SLC24A4: variants seen among roughly 807,000 people sequenced by gnomAD.
The protein encoded by SLC24A4 is sodium/potassium/calcium exchanger 4.
Under a neutral mutation model 79.0 loss-of-function variants are expected in SLC24A4, and 53 were observed. The observed-to-expected ratio is 0.67, with a 90% CI of 0.54 to 0.84. The LOEUF (loss-of-function observed/expected upper bound fraction) is 0.84. Ranked by LOEUF, SLC24A4 falls within the 40% of genes least tolerant of loss-of-function variation. The pLI is 0.00. For missense variants in SLC24A4, 731 were observed against 822.0 expected (o/e 0.89, Z 1.35); for synonymous variants, 323 against 323.8 (o/e 1.00, Z 0.03).
At chr14:92,459,285 C>T (rs1214116972) in intron 12 of SLC24A4, among the ~76,000 whole-genome samples, 1 of 152,218 alleles carries the variant, frequency 6.6e-6, no homozygotes, top group Non-Finnish European at 1.5e-5. Flanking sequence ...GTACTGGGAG[C>T]TGCTGTTCCA....
chr14:92,361,459 G>T (rs1407777676), intron 2 of SLC24A4, among the ~76,000 whole-genome samples: 1 of 151,180 alleles, frequency 6.6e-6, no homozygotes, highest in Non-Finnish European at 1.5e-5. Flanking sequence ...TGCCACCTAA[G>T]TCACCTTGTG....
rs111744106 is a variant in SLC24A4, at chr14:92,471,568, C to A, written c.1256-11112C>A. Among the ~76,000 whole-genome samples, 428 of 152,248 alleles carry A rather than the reference C, an allele frequency of 2.8e-3. 1 individual carries two copies. Among genetic ancestry groups the A allele is most frequent in the Non-Finnish European group, 4.8e-3 (326 of 68,020 alleles). On this transcript the variant is annotated intron_variant, in intron 12 of 16. Transcript: ENST00000532405. ...AGGTTGACCCTTGTTATATTATACA[C>A]CCAACCCAGGGCCTATGTAACCCCA...
chr14:92,363,373 G>A (rs188080178), intron 2 of SLC24A4, among the ~76,000 whole-genome samples: 155 of 152,338 alleles, frequency 1.0e-3, no homozygotes, highest in African/African-American at 3.5e-3. Context: ...GTGTGCCATG[G>A]TCCACTGGCT....
chr14:92,456,474 T>C lies in SLC24A4; in HGVS notation c.1121T>C (p.Ile374Thr). Residue 374 changes from isoleucine to threonine, a missense_variant, in exon 12 of 17, where the codon ATT (isoleucine) becomes ACT (threonine). Physicochemically the swap from Ile to Thr is moderately conservative, Grantham distance 89 (BLOSUM62 -1). Transcript: ENST00000532405. Reference sequence around the variant, plus strand: ...CTTCAAAACGGGAGGCACGAGAACATTGAGAACGGGAATGTTCCTGTGGAA... The same window carrying C: ...CTTCAAAACGGGAGGCACGAGAACACTGAGAACGGGAATGTTCCTGTGGAA... ...KPLQNGRHENIENGNVPVENP... is the reference protein window; with the variant it reads ...KPLQNGRHENTENGNVPVENP... The C allele has an allele frequency of 2.5e-6, 4 of 1,614,076 alleles. No homozygotes were observed. Among genetic ancestry groups the C allele is most frequent in the Non-Finnish European group, 3.4e-6 (4 of 1,180,006 alleles).
At chr14:92,360,581 G>A (rs188209450) in intron 2 of SLC24A4, among the ~76,000 whole-genome samples, 2 of 152,300 alleles carry the variant, frequency 1.3e-5, no homozygotes, top group African/African-American at 2.4e-5. Flanking sequence ...AACATCCTGT[G>A]TACATGTTGC....
At chr14:92,328,985 G>C (rs1885313947) in intron 2 of SLC24A4, among the ~76,000 whole-genome samples, 1 of 152,264 alleles carries the variant, frequency 6.6e-6, no homozygotes, top group Non-Finnish European at 1.5e-5. Context: ...GGCTGGATTA[G>C]AGTTTCAAGT....
intron 9 of SLC24A4, among the ~76,000 whole-genome samples, chr14:92,448,286 T>TA (rs1351152384): frequency 6.7e-6 from 1 of 150,360 alleles, no homozygotes; most frequent in South Asian, 2.1e-4. Context: ...TTTGTGCCCT[T>TA]AAAAAGGGAA....
chr14:92,447,188 G>A (rs1231674659), intron 8 of SLC24A4, among the ~76,000 whole-genome samples, 183 bp from the exon 9 acceptor site: 2 of 152,180 alleles, frequency 1.3e-5, no homozygotes, highest in Non-Finnish European at 2.9e-5. Flanking sequence ...CATCAAGAGG[G>A]CTGCTGGTGG....
At chr14:92,444,536 C>T (rs1340811226) in intron 7 of SLC24A4, among the ~76,000 whole-genome samples, 4 of 152,142 alleles carry the variant, frequency 2.6e-5, no homozygotes, top group South Asian at 2.1e-4. Context: ...TTCACTAAAA[C>T]GATGTAAAAA....
chr14:92,442,807 T>C lies in SLC24A4; in HGVS notation c.573T>C (p.Phe191=). ...GCATAATTGGAGTGTGCGGACTGTT[T>C]GCTGGCCAGGTCAGTGGTTTCTCCC... ...ILCIIGVCGL[F]AGQVVRLTWW... is the part of the protein sequence containing the mutation. Residue 191 remains phenylalanine (F), a synonymous_variant, in exon 6 of 17, where the codon TTT becomes TTC. Coordinates refer to ENST00000532405, the MANE Select transcript of SLC24A4 (RefSeq NM_153646.4). The C allele has an allele frequency of 1.2e-6, 2 of 1,613,992 alleles. No individual in the cohort carries two copies. Among genetic ancestry groups the C allele is most frequent in the East Asian group, 4.5e-5 (2 of 44,882 alleles).
intron 2 of SLC24A4, among the ~76,000 whole-genome samples, chr14:92,395,044 AT>A (rs1889688660): frequency 6.6e-6 from 1 of 152,174 alleles, no homozygotes; most frequent in African/African-American, 2.4e-5. Flanking sequence ...AAACAAGGGG[AT>A]TCAGGGAGAT....
At chr14:92,475,528 C>G (rs1163287008) in intron 12 of SLC24A4, among the ~76,000 whole-genome samples, 1 of 152,148 alleles carries the variant, frequency 6.6e-6, no homozygotes, top group Non-Finnish European at 1.5e-5. Context: ...AAAGCAGTTA[C>G]AGAAGGGAGA....
At chr14:92,338,981 C>T (rs1420311730) in intron 2 of SLC24A4, among the ~76,000 whole-genome samples, 1 of 152,242 alleles carries the variant, frequency 6.6e-6, no homozygotes, top group East Asian at 1.9e-4. Flanking sequence ...TCATTGCACC[C>T]CTCAGGGAGC....
intron 2 of SLC24A4, among the ~76,000 whole-genome samples, chr14:92,354,049 G>A (rs1054467993): frequency 4.6e-5 from 7 of 152,210 alleles, no homozygotes; most frequent in South Asian, 2.1e-4. Context: ...GAGAACTGCC[G>A]GTGGAAACCT....
chr14:92,332,780 C>T (rs975065497), intron 2 of SLC24A4, among the ~76,000 whole-genome samples: 7 of 152,174 alleles, frequency 4.6e-5, no homozygotes, highest in African/African-American at 1.7e-4. Flanking sequence ...TTTTAATATG[C>T]TCAACCCAAA....
rs968375146 is a variant in SLC24A4 at position 92,485,309 on chromosome 14, A to T, written c.1423-1357A>T. 3.9e-4 allele frequency among the ~76,000 whole-genome samples: 60 copies of T among 152,016 alleles called. 1 individual carries two copies. Among genetic ancestry groups the T allele is most frequent in the African/African-American group, 1.2e-3 (51 of 41,374 alleles). On this transcript the variant is annotated intron_variant, in intron 13 of 16. Transcript: ENST00000532405. ...TGAGACCCTGTGTCTACAAAAAATT[A>T]AAAAAATTAGCCAGGTGTGGTGGCA...
intron 2 of SLC24A4, among the ~76,000 whole-genome samples, chr14:92,366,649 AC>A (rs1264931041): frequency 6.6e-6 from 1 of 152,200 alleles, no homozygotes; most frequent in African/African-American, 2.4e-5. Context: ...CAGAAATAAA[AC>A]AATGGGGCCA....
chr14:92,496,454 T>A lies in SLC24A4; in HGVS notation c.*2826T>A, dbSNP rs1258177676. The stretch of plus-strand genomic sequence containing the variant: ...AATAGGCAATTTAAAAAAATGAATT[T>A]AGCTCTTCTCATTGGGGGCAGAAAA... On this transcript the variant is annotated 3_prime_UTR_variant, in exon 17 of 17. Transcript: ENST00000532405. 1 of 152,158 alleles carries A rather than the reference T, an allele frequency of 6.6e-6. No individual in the cohort carries two copies. The highest frequency in any genetic ancestry group is 1.5e-5 in the Non-Finnish European group (1 of 68,026). 9.4% of individuals were successfully genotyped at this position (152,158 alleles called of 1,614,324 possible).
At chr14:92,368,323 A>G (rs145172569) in intron 2 of SLC24A4, among the ~76,000 whole-genome samples, 265 of 152,338 alleles carry the variant, frequency 1.7e-3, no homozygotes, top group African/African-American at 5.7e-3. Flanking sequence ...CACTGGGTTT[A>G]TAAGACGGGG....
Sources: gnomAD v4.1 joint callset for allele counts (sites outside exome capture counted in the v4.1 genomes callset) on GRCh38, gnomAD v4.1.1 for gene constraint, MANE v1.5 for transcripts, NCBI Gene and HGNC (gene_info 2026-07-23, HGNC 2026-07-21) for gene names.